Variants in CR1 observed in about 807,000 individuals in gnomAD.
CR1 encodes the protein complement receptor type 1.
In CR1, 116 loss-of-function variants were observed where a neutral mutation model predicts 187.3. The observed-to-expected ratio is 0.62, with a 90% CI of 0.53 to 0.72. The LOEUF is 0.72. Ranked by LOEUF, CR1 falls within the 30% of genes least tolerant of loss-of-function variation. The pLI is 0.00. For synonymous variants in CR1, 576 were observed against 747.1 expected, an observed-to-expected ratio of 0.77 and a Z score of 3.73; for missense variants, 1,731 against 2,110.7, an observed-to-expected ratio of 0.82 and a Z score of 3.52.
At chr1:207,617,934 G>T in intron 41 of CR1, 137 bp from the exon 42 acceptor site, 1 of 812,342 alleles carries the variant, frequency 1.2e-6, no homozygotes, top group Non-Finnish European at 1.9e-6. Context: ...TCAAATAGGA[G>T]GGAGTGGCTT....
chr1:207,508,324 C>T (rs1450508237), intron 3 of CR1, among the ~76,000 whole-genome samples: 3 of 152,156 alleles, frequency 2.0e-5, no homozygotes, highest in African/African-American at 7.2e-5. Context: ...AGTGTAGGTT[C>T]CTCAATTGCG....
chr1:207,610,700 T>A (rs1374003863), intron 37 of CR1, among the ~76,000 whole-genome samples: 1 of 152,180 alleles, frequency 6.6e-6, no homozygotes, highest in Non-Finnish European at 1.5e-5. Context: ...ACATTTCGGT[T>A]AAAATACGGT....
chr1:207,606,994 C>T (rs964712572), intron 35 of CR1, among the ~76,000 whole-genome samples: 1 of 152,014 alleles, frequency 6.6e-6, no homozygotes, highest in Non-Finnish European at 1.5e-5. Context: ...ACAAAAATGT[C>T]CTGCAAAGAA....
At chr1:207,511,831 C>T (rs75375225) in intron 4 of CR1, among the ~76,000 whole-genome samples, 177 bp downstream of exon 4, 2 of 152,150 alleles carry the variant, frequency 1.3e-5, no homozygotes, top group Non-Finnish European at 2.9e-5. Context: ...TTAAGTTCTT[C>T]CTTATCCTGG....
chr1:207,503,084 C>T (rs532093080), intron 1 of CR1, among the ~76,000 whole-genome samples: 7 of 152,344 alleles, frequency 4.6e-5, no homozygotes, highest in Non-Finnish European at 8.8e-5. Flanking sequence ...AGTCCCCTTA[C>T]CCTTTTCTAA....
In CR1 at chr1:207,620,937, G is replaced by A. The variant is rs56116727; in HGVS notation, c.7252+872G>A. ...TAATACAAAAGTCACTTTGCACCAG[G>A]ATAAGAAGAGACATACAAATAAGTG... is the stretch of plus-strand genomic sequence containing the variant. On this transcript the variant is annotated intron_variant, in intron 43 of 46. Transcript: ENST00000367049. Among the ~76,000 whole-genome samples the A allele has an allele frequency of 2.0e-5, 3 of 152,054 alleles. No homozygotes were observed. The East Asian group carries it at 5.8e-4, about 29-fold the overall frequency.
At chr1:207,629,542 C>G (rs1044855058) in intron 45 of CR1, among the ~76,000 whole-genome samples, 1 of 152,218 alleles carries the variant, frequency 6.6e-6, no homozygotes, top group African/African-American at 2.4e-5. Flanking sequence ...ACTCTGCCCC[C>G]TGAAGCAGTC....
At chr1:207,516,359 G>A (rs554639468) in intron 4 of CR1, among the ~76,000 whole-genome samples, 1 of 152,090 alleles carries the variant, frequency 6.6e-6, no homozygotes, top group Non-Finnish European at 1.5e-5. Context: ...TGGTTTATTT[G>A]CCATACTATA....
At chr1:207,585,930 A>C (rs1661098738) in intron 33 of CR1, among the ~76,000 whole-genome samples, 2 of 152,196 alleles carry the variant, frequency 1.3e-5, no homozygotes, top group African/African-American at 4.8e-5. Context: ...TGAGGCCAGG[A>C]GTTCAAGACC....
At position 207,496,324 on chromosome 1, in the gene CR1, C is replaced by A. The variant is rs753333659; in HGVS notation, c.57C>A (p.Leu19=). ...CTGTCGGGCCGCCGGCGCCCGGTCT[C>A]CCCTTCTGCTGCGGAGGATCCCTGC... ...PEPVGPPAPG[L]PFCCGGSLLA... The change falls in exon 1 of 47, where the codon CTC becomes CTA. Residue 19 remains leucine, a synonymous_variant. Transcript: ENST00000367049. 6.2e-7 allele frequency: 1 copy of A among 1,613,488 alleles called. No homozygotes were observed.
At chr1:207,578,565 C>T (rs1660840470) in intron 29 of CR1, among the ~76,000 whole-genome samples, 5 of 152,212 alleles carry the variant, frequency 3.3e-5, no homozygotes, top group Admixed American at 3.3e-4. Context: ...TCATTATTTA[C>T]AACAACACTT....
Position 207,524,879 on chromosome 1 carries a change from G to A in CR1, c.886+870G>A, listed in dbSNP as rs142327262. ...GAGGGATTTCATGCAGGTTGTATTA[G>A]TCTGTTCTCACATTCCTATAAAAAA... is the stretch of plus-strand genomic sequence containing the variant. On this transcript the variant is annotated intron_variant, in intron 5 of 46. Coordinates refer to ENST00000367049, the MANE Select transcript of CR1 (RefSeq NM_000651.6). Among the ~76,000 whole-genome samples, 68 of 151,992 alleles carry A rather than the reference G, an allele frequency of 4.5e-4. 2 individuals carry two copies. The East Asian group carries it at 0.012, about 27-fold the overall frequency.
chr1:207,565,857 T>C lies in CR1; in HGVS notation c.3886T>C (p.Ser1296Pro), dbSNP rs758240530. 9.3e-6 allele frequency: 15 copies of C among 1,610,766 alleles called. No homozygotes were observed. The South Asian group carries it at 1.6e-4, about 18-fold the overall frequency. ...CDEGFQLKGS[S>P]ASYCVLAGME... Reference sequence around the variant, plus strand: ...CTTTAGATTTCAATTAAAAGGCAGCTCTGCTAGTTATTGTGTCTTGGCTGG... The same window carrying C: ...CTTTAGATTTCAATTAAAAGGCAGCCCTGCTAGTTATTGTGTCTTGGCTGG... Residue 1296 changes from serine to proline, a missense_variant, in exon 24 of 47, where the codon TCT (serine) becomes CCT (proline). Ser to Pro is a moderately conservative substitution (Grantham distance 74). This residue lies in a region of CR1 where 1,312 missense variants were observed against 1,379.6 expected (regional missense o/e 0.95). Transcript: ENST00000367049.
intron 3 of CR1, 21 bp downstream of exon 3, chr1:207,506,834 C>T (rs374189484): frequency 6.3e-7 from 1 of 1,584,936 alleles, no homozygotes; most frequent in African/African-American, 1.3e-5. Flanking sequence ...ATCTCTTGAA[C>T]CAACATCTCT....
chr1:207,568,542 A>G (rs1476950956), intron 25 of CR1, among the ~76,000 whole-genome samples: 1 of 5,906 alleles, frequency 1.7e-4, no homozygotes, highest in African/African-American at 9.4e-4. Context: ...ATTAAATTAT[A>G]TGAGCATTAG....
chr1:207,573,289 A>G (rs116090134), intron 27 of CR1, among the ~76,000 whole-genome samples: 1 of 152,184 alleles, frequency 6.6e-6, no homozygotes, highest in Non-Finnish European at 1.5e-5. Flanking sequence ...ACTGAAAGGA[A>G]GTTTGTGGTG....
chr1:207,502,914 C>A (rs1659315807), intron 1 of CR1, among the ~76,000 whole-genome samples: 1 of 152,174 alleles, frequency 6.6e-6, no homozygotes, highest in South Asian at 2.1e-4. Context: ...GGGGCACATT[C>A]ACTCAGGAGA....
chr1:207,627,713 C>A (rs536708774), intron 45 of CR1, among the ~76,000 whole-genome samples: 1 of 152,286 alleles, frequency 6.6e-6, no homozygotes, highest in African/African-American at 2.4e-5. Flanking sequence ...GAGTTTAAGG[C>A]CAGCCTGGGC....
chr1:207,504,834 T>A (rs762282188), intron 1 of CR1, among the ~76,000 whole-genome samples: 1 of 152,204 alleles, frequency 6.6e-6, no homozygotes, highest in Non-Finnish European at 1.5e-5. Context: ...GGCCATAGAC[T>A]GATACTGTCC....
Sources: allele counts gnomAD v4.1 joint callset (sites outside exome capture counted in the v4.1 genomes callset), GRCh38; gene constraint gnomAD v4.1.1; regional missense constraint gnomAD v4.1.1; transcripts MANE v1.5; gene names NCBI Gene and HGNC (gene_info 2026-07-23, HGNC 2026-07-21).